The following INO80D variants were observed in gnomAD, a reference collection of about 807,000 sequenced individuals.
The protein encoded by INO80D is INO80 complex subunit D.
In INO80D, 21 loss-of-function variants were observed where a neutral mutation model predicts 87.6. The observed-to-expected ratio is 0.24, with a 90% CI of 0.17 to 0.35. The LOEUF is 0.35. Among genes scored for constraint, INO80D ranks in the 10% least tolerant of loss-of-function variants. INO80D has a pLI of 1.00. For synonymous variants in INO80D, 440 were observed against 491.0 expected, an observed-to-expected ratio of 0.90 and a Z score of 1.37; for missense variants, 982 against 1,280.7, an observed-to-expected ratio of 0.77 and a Z score of 3.56.
chr2:206,028,154 G>T lies in INO80D; in HGVS notation c.1255C>A (p.Gln419Lys). The T allele has an allele frequency of 6.4e-7, 1 of 1,570,454 alleles. No individual in the cohort carries two copies. Among genetic ancestry groups the T allele is most frequent in the East Asian group, 2.4e-5 (1 of 42,470 alleles). ...AASKEPECTG[Q>K]LIQELRRAAC... ...GCTCTCCGCAGTTCTTGTATTAACT[G>T]ACCAGTGCATTCTGGTTCTTTACTG... is the stretch of plus-strand genomic sequence containing the variant. The change falls in exon 6 of 11, where the codon CAG becomes AAG. Residue 419 changes from glutamine to lysine, a missense_variant. Transcript: ENST00000403263.
At chr2:206,010,385 T>C (rs1688139906) in intron 8 of INO80D, among the ~76,000 whole-genome samples, 1 of 152,078 alleles carries the variant, frequency 6.6e-6, no homozygotes, top group Non-Finnish European at 1.5e-5. Flanking sequence ...TGTCAAGCAG[T>C]ACAGCCAAAA....
In INO80D at chr2:206,006,401, G is replaced by A. The variant is rs1449155831; in HGVS notation, c.1919-868C>T. On this transcript the variant is annotated intron_variant, in intron 10 of 10. Transcript: ENST00000403263. Reference sequence around the variant, plus strand: ...CTAAAAGACTTCAAAACTCATGTTCGGCTGGGCGCGGTGGCTCGTGCTTGT... The same window carrying A: ...CTAAAAGACTTCAAAACTCATGTTCAGCTGGGCGCGGTGGCTCGTGCTTGT... Among the ~76,000 whole-genome samples the A allele has an allele frequency of 2.0e-5, 3 of 152,172 alleles. No individual in the cohort carries two copies. The East Asian group carries it at 5.8e-4, about 29-fold the overall frequency.
chr2:206,035,296 C>A (rs559400364), intron 5 of INO80D, among the ~76,000 whole-genome samples: 4 of 152,082 alleles, frequency 2.6e-5, no homozygotes, highest in Non-Finnish European at 5.9e-5. Context: ...CAAGACTAAG[C>A]AAAAAGAACA....
chr2:206,013,674 G>A (rs574365947), intron 8 of INO80D, among the ~76,000 whole-genome samples: 19 of 151,958 alleles, frequency 1.3e-4, no homozygotes, highest in South Asian at 4.2e-4. Context: ...GAAGTATGCC[G>A]GAATGGTGGA....
At chr2:206,021,297 C>T (rs1688456920) in intron 6 of INO80D, among the ~76,000 whole-genome samples, 4 of 152,138 alleles carry the variant, frequency 2.6e-5, no homozygotes, top group Non-Finnish European at 4.4e-5. Flanking sequence ...AATATAAATA[C>T]TTCTACCGTA....
intron 5 of INO80D, among the ~76,000 whole-genome samples, chr2:206,045,329 T>C (rs1307155783): frequency 6.6e-6 from 1 of 152,226 alleles, no homozygotes; most frequent in African/African-American, 2.4e-5. Context: ...CTAGGTATAC[T>C]AACAAATCAC....
chr2:206,066,421 G>A (rs1689816818), intron 1 of INO80D, among the ~76,000 whole-genome samples: 1 of 152,122 alleles, frequency 6.6e-6, no homozygotes, highest in African/African-American at 2.4e-5. Context: ...CCAAGATATG[G>A]AATCAAACTA....
intron 4 of INO80D, among the ~76,000 whole-genome samples, chr2:206,048,798 G>A (rs190386232): frequency 6.6e-6 from 1 of 152,290 alleles, no homozygotes; most frequent in East Asian, 1.9e-4. Flanking sequence ...GGAGACTGAG[G>A]CAGGAGGATC....
chr2:206,013,036 T>C (rs566423586), intron 8 of INO80D, among the ~76,000 whole-genome samples: 5 of 152,164 alleles, frequency 3.3e-5, no homozygotes, highest in African/African-American at 1.2e-4. Context: ...TCTAACTGTC[T>C]TCAGAGAGAA....
intron 5 of INO80D, among the ~76,000 whole-genome samples, chr2:206,033,748 C>A (rs1688826837): frequency 6.6e-6 from 1 of 151,828 alleles, no homozygotes; most frequent in African/African-American, 2.4e-5. Flanking sequence ...CAGAGTAGAA[C>A]TAAATGAAAT....
intron 10 of INO80D, among the ~76,000 whole-genome samples, chr2:206,006,740 T>C (rs954391776): frequency 7.5e-5 from 11 of 147,112 alleles, no homozygotes; most frequent in Non-Finnish European, 1.0e-4. Flanking sequence ...AAAGCAAAAG[T>C]ATTCACTTTA....
Position 206,033,048 on chromosome 2 carries a change from G to A in INO80D, c.1074-4713C>T, listed in dbSNP as rs149599679. Among the ~76,000 whole-genome samples, 833 of 152,230 alleles carry A rather than the reference G, an allele frequency of 5.5e-3. 10 individuals are homozygous for A. Among genetic ancestry groups the A allele is most frequent in the Non-Finnish European group, 1.0e-2 (680 of 68,006 alleles). On this transcript the variant is annotated intron_variant, in intron 5 of 10. Coordinates refer to ENST00000403263, the MANE Select transcript of INO80D (RefSeq NM_017759.5). ...CTTAAAAGATACAGAACCACAGAAT[G>A]GATAAGAACCCACCAACCAACTATC... is the stretch of plus-strand genomic sequence containing the variant.
chr2:206,063,212 G>T lies in INO80D; in HGVS notation c.-91C>A. 1 of 579,154 alleles carries T rather than the reference G, an allele frequency of 1.7e-6. No individual in the cohort carries two copies. Among genetic ancestry groups the T allele is most frequent in the Non-Finnish European group, 3.0e-6 (1 of 334,166 alleles). 35.9% of individuals were successfully genotyped at this position (579,154 alleles called of 1,614,324 possible). A position where few individuals can be genotyped will look rare whatever the true frequency, so the allele number is the denominator to read the frequency against. On this transcript the variant is annotated 5_prime_UTR_variant, in exon 2 of 11. Coordinates refer to ENST00000403263, the MANE Select transcript of INO80D (RefSeq NM_017759.5). ...AGAACCCCCAAGGATACCACAGTTT[G>T]GAATGCCGCAGAATCAGGATGAAGC...
chr2:206,009,771 G>A lies in INO80D; in HGVS notation c.1566C>T (p.Asn522=), dbSNP rs1307693398. The change falls in exon 9 of 11, where the codon AAC becomes AAT. Residue 522 remains asparagine (N), a synonymous_variant. Coordinates refer to ENST00000403263, the MANE Select transcript of INO80D (RefSeq NM_017759.5). ...GCTGCTGGTGCTGAACTTTACGGGA[G>A]TTATCTCCTCTCAAGAAATTATCCT... ...KKMDNFLRGD[N]SRKVQHQQQR... The A allele has an allele frequency of 1.2e-6, 2 of 1,612,680 alleles. No homozygotes were observed. Among genetic ancestry groups the A allele is most frequent in the Admixed American group, 1.7e-5 (1 of 59,776 alleles).
chr2:206,046,251 C>T (rs1689189718), intron 5 of INO80D, among the ~76,000 whole-genome samples: 1 of 151,922 alleles, frequency 6.6e-6, no homozygotes, highest in African/African-American at 2.4e-5. Context: ...AAGAAGGAAA[C>T]TAGGGCCGGG....
intron 4 of INO80D, among the ~76,000 whole-genome samples, chr2:206,052,350 C>A (rs1034238554): frequency 1.3e-5 from 2 of 152,122 alleles, no homozygotes; most frequent in South Asian, 4.1e-4. Flanking sequence ...CGCTCCACCA[C>A]GCCCAGCTAA....
chr2:206,066,028 G>A (rs973318805), intron 1 of INO80D, among the ~76,000 whole-genome samples: 8 of 152,148 alleles, frequency 5.3e-5, no homozygotes, highest in Non-Finnish European at 1.0e-4. Flanking sequence ...GGGAGGCCAG[G>A]GCAGGTGGAT....
chr2:205,997,439 C>T lies in INO80D; in HGVS notation c.*6929G>A, dbSNP rs960139951. 6.6e-6 allele frequency: 1 copy of T among 152,040 alleles called. No individual in the cohort carries two copies. Among genetic ancestry groups the T allele is most frequent in the African/African-American group, 2.4e-5 (1 of 41,402 alleles). The allele number at this position is 152,040 out of a possible 1,614,324, so 9.4% of individuals were successfully genotyped here. On this transcript the variant is annotated 3_prime_UTR_variant, in exon 11 of 11. Coordinates refer to ENST00000403263, the MANE Select transcript of INO80D (RefSeq NM_017759.5). ...CCCACCAACTCCTTAAACAAAGCAG[C>T]CCCTTCCAAAAATTGTTTATGAAAG...
rs757981222 is a variant in INO80D at position 206,056,395 on chromosome 2, C to A, written c.767G>T (p.Arg256Leu). 1.2e-6 allele frequency: 2 copies of A among 1,613,690 alleles called. No homozygotes were observed. The highest frequency in any genetic ancestry group is 1.7e-6 in the Non-Finnish European group (2 of 1,179,790). The change falls in exon 4 of 11, where the codon CGG (arginine) becomes CTG (leucine). Residue 256 changes from arginine (R) to leucine (L), a missense_variant. Physicochemically the swap from Arg to Leu is moderately radical, Grantham distance 102. Coordinates refer to ENST00000403263, the MANE Select transcript of INO80D (RefSeq NM_017759.5). ...APTTHTIAQA[R>L]QLSHKRPLPL... ...CAGAGGCCTCTTGTGAGACAACTGC[C>A]GTGCTTGTGCTATAGTGTGTGTGGT...
Sources: gnomAD v4.1 joint callset for allele counts (sites outside exome capture counted in the v4.1 genomes callset) on GRCh38, gnomAD v4.1.1 for gene constraint, MANE v1.5 for transcripts, NCBI Gene and HGNC (gene_info 2026-07-23, HGNC 2026-07-21) for gene names.